The following CDH13 variants were observed in gnomAD, a reference collection of about 807,000 sequenced individuals.
CDH13 encodes the protein cadherin 13.
A neutral mutation model predicts 63.8 loss-of-function variants in CDH13; 24 were observed. The observed-to-expected ratio is 0.38, with a 90% CI of 0.27 to 0.53. CDH13 has a LOEUF of 0.53. Among genes scored for constraint, CDH13 ranks in the 20% least tolerant of loss-of-function variants. The pLI, the probability that CDH13 is intolerant of heterozygous loss-of-function variation, is 0.85. For synonymous variants in CDH13, 503 were observed against 355.3 expected, an observed-to-expected ratio of 1.42 and a Z score of -4.67; for missense variants, 1,049 against 903.1, an observed-to-expected ratio of 1.16 and a Z score of -2.07.
chr16:83,795,599 C>G lies in CDH13; in HGVS notation c.*569C>G, dbSNP rs1429213393. 6.6e-6 allele frequency: 1 copy of G among 152,530 alleles called. No homozygotes were observed. The highest frequency in any genetic ancestry group is 1.5e-5 in the Non-Finnish European group (1 of 68,358). 9.4% of individuals were successfully genotyped at this position (152,530 alleles called of 1,614,324 possible). ...GCTCCGAAGCTACTTCTCCACTGTC[C>G]CGTTCAGTCTGAATGCTGCCACAAC... On this transcript the variant is annotated 3_prime_UTR_variant, in exon 14 of 14. Coordinates refer to ENST00000567109, the MANE Select transcript of CDH13 (RefSeq NM_001257.5).
chr16:83,435,736 C>G (rs2072276495), intron 6 of CDH13, among the ~76,000 whole-genome samples: 1 of 152,162 alleles, frequency 6.6e-6, no homozygotes, highest in Non-Finnish European at 1.5e-5. Context: ...TTTGCTGTGT[C>G]CCTAGGAGAG....
intron 7 of CDH13, among the ~76,000 whole-genome samples, chr16:83,591,984 T>C (rs1051582279): frequency 6.6e-6 from 1 of 152,202 alleles, no homozygotes; most frequent in Non-Finnish European, 1.5e-5. Flanking sequence ...TGGTAGGGTA[T>C]GCCCTTCTGC....
At chr16:83,388,561 C>A (rs934513635) in intron 6 of CDH13, among the ~76,000 whole-genome samples, 2 of 152,168 alleles carry the variant, frequency 1.3e-5, no homozygotes, top group Admixed American at 1.3e-4. Flanking sequence ...CTGTTTGGAT[C>A]ATGGCAGCTA....
intron 2 of CDH13, among the ~76,000 whole-genome samples, chr16:82,963,354 G>T (rs1476811859): frequency 6.6e-6 from 1 of 152,152 alleles, no homozygotes; most frequent in Non-Finnish European, 1.5e-5. Context: ...ACTCCAGCCT[G>T]GGCAACAAGA....
intron 4 of CDH13, among the ~76,000 whole-genome samples, chr16:83,165,034 G>C (rs796854990): frequency 6.7e-6 from 1 of 149,378 alleles, no homozygotes; most frequent in Non-Finnish European, 1.5e-5. Flanking sequence ...CCAGAGCCCA[G>C]CCCACGCTCT....
At chr16:83,002,669 G>A (rs1047269189) in intron 2 of CDH13, among the ~76,000 whole-genome samples, 4 of 152,166 alleles carry the variant, frequency 2.6e-5, no homozygotes, top group Non-Finnish European at 4.4e-5. Flanking sequence ...AGAATAAGCG[G>A]GGAAGAGGTT....
chr16:83,158,567 T>C (rs12444379), intron 4 of CDH13, among the ~76,000 whole-genome samples: 54,568 of 152,090 alleles, frequency 0.36, 11,321 homozygotes, highest in African/African-American at 0.58. Flanking sequence ...GCAGCCCATC[T>C]ACGGGCGCAC....
rs547053759 is a variant in CDH13 at position 83,299,367 on chromosome 16, A to G, written c.637-45495A>G. On this transcript the variant is annotated intron_variant, in intron 5 of 13. Transcript: ENST00000567109. ...GGAAAGACAGCACTACCTTACCTTAAACTTTCTGGCTCATGTCACAAATCA... is the reference window on the plus strand; with the variant it reads ...GGAAAGACAGCACTACCTTACCTTAGACTTTCTGGCTCATGTCACAAATCA... Among the ~76,000 whole-genome samples the G allele has an allele frequency of 2.0e-5, 3 of 152,150 alleles. No homozygotes were observed. In the South Asian group the frequency reaches 6.2e-4, roughly 32 times the overall value.
chr16:83,181,574 T>C (rs189357617), intron 4 of CDH13, among the ~76,000 whole-genome samples: 1 of 152,210 alleles, frequency 6.6e-6, no homozygotes, highest in African/African-American at 2.4e-5. Flanking sequence ...TAGAATCTTA[T>C]GCCTGCCTGG....
intron 8 of CDH13, among the ~76,000 whole-genome samples, chr16:83,636,644 G>A (rs973600514): frequency 6.6e-6 from 1 of 152,178 alleles, no homozygotes; most frequent in African/African-American, 2.4e-5. Flanking sequence ...ATTCCACGGT[G>A]TTTTCTAACC....
At chr16:83,133,847 T>C (rs920177438) in intron 4 of CDH13, among the ~76,000 whole-genome samples, 1 of 152,224 alleles carries the variant, frequency 6.6e-6, no homozygotes, top group Admixed American at 6.5e-5. Flanking sequence ...ACATCTTTGA[T>C]GGCACTTAAC....
chr16:82,744,986 C>T (rs1244381131), intron 1 of CDH13, among the ~76,000 whole-genome samples: 1 of 152,156 alleles, frequency 6.6e-6, no homozygotes, highest in Non-Finnish European at 1.5e-5. Context: ...AGAGTCAATT[C>T]TTTTCCAGTA....
At chr16:82,767,585 C>G (rs754736882) in intron 1 of CDH13, among the ~76,000 whole-genome samples, 3 of 152,156 alleles carry the variant, frequency 2.0e-5, no homozygotes, top group Non-Finnish European at 2.9e-5. Context: ...GGTCCCTGCC[C>G]CCTTTAACTT....
chr16:83,496,854 A>G (rs572570169), intron 7 of CDH13, among the ~76,000 whole-genome samples: 21 of 152,376 alleles, frequency 1.4e-4, no homozygotes, highest in African/African-American at 4.6e-4. Context: ...GGCGAAGGAC[A>G]TGAACAGACA....
intron 10 of CDH13, among the ~76,000 whole-genome samples, chr16:83,712,058 C>G (rs1908142003): frequency 6.6e-6 from 1 of 152,158 alleles, no homozygotes; most frequent in Admixed American, 6.5e-5. Context: ...CTGTCTGTGC[C>G]CTAATCTCTT....
intron 3 of CDH13, among the ~76,000 whole-genome samples, chr16:83,118,349 C>T (rs2035406749): frequency 6.6e-6 from 1 of 152,202 alleles, no homozygotes; most frequent in Non-Finnish European, 1.5e-5. Flanking sequence ...GTTGCATGTA[C>T]ATCTGCTCGT....
intron 1 of CDH13, among the ~76,000 whole-genome samples, chr16:82,812,243 C>G (rs913824443): frequency 7.9e-5 from 12 of 152,148 alleles, no homozygotes; most frequent in Non-Finnish European, 1.5e-4. Context: ...GCATGGCTAT[C>G]TTGCTGGATC....
chr16:82,851,253 G>C (rs1015531285), intron 1 of CDH13, among the ~76,000 whole-genome samples: 2 of 151,968 alleles, frequency 1.3e-5, no homozygotes, highest in African/African-American at 4.8e-5. Flanking sequence ...GGCCAACATG[G>C]TGAAACCCCG....
chr16:83,089,528 G>A (rs1427532103), intron 3 of CDH13, among the ~76,000 whole-genome samples: 3 of 152,180 alleles, frequency 2.0e-5, no homozygotes, highest in South Asian at 2.1e-4. Flanking sequence ...GCTCACCAGT[G>A]GGACCAGACA....
Sources: gnomAD v4.1 joint callset for allele counts (sites outside exome capture counted in the v4.1 genomes callset) on GRCh38, gnomAD v4.1.1 for gene constraint, MANE v1.5 for transcripts, NCBI Gene and HGNC (gene_info 2026-07-23, HGNC 2026-07-21) for gene names.